IFT52: variants seen among roughly 807,000 people sequenced by gnomAD.
The protein encoded by IFT52 is intraflagellar transport 52.
A neutral mutation model predicts 54.4 loss-of-function variants in IFT52; 44 were observed. The ratio of observed to expected loss-of-function variants is 0.81; its 90% CI spans 0.63 to 1.04. The LOEUF is 1.04. Ranked by LOEUF, IFT52 falls within the 50% of genes least tolerant of loss-of-function variation. IFT52 has a pLI of 0.00. For synonymous variants in IFT52, 181 were observed against 185.3 expected (o/e 0.98, Z 0.19); for missense variants, 452 against 523.6 (o/e 0.86, Z 1.33).
rs764334202 is a variant in IFT52, at chr20:43,623,938, G to A, written c.816G>A (p.Arg272=). The A allele has an allele frequency of 2.4e-5, 38 of 1,614,054 alleles. No homozygotes were observed. The highest frequency in any genetic ancestry group is 3.2e-5 in the Non-Finnish European group (38 of 1,180,046). ...CCTACACAGCCACCCTATCAAAGCG[G>A]AATCGAGAGTGTCTCCAGGAGAGTG... ...MLPYTATLSK[R]NRECLQESDE... The change falls in exon 10 of 14, where the codon CGG becomes CGA. Residue 272 remains arginine (R), a synonymous_variant. Coordinates refer to ENST00000373030, the MANE Select transcript of IFT52 (RefSeq NM_016004.5).
intron 12 of IFT52, among the ~76,000 whole-genome samples, chr20:43,638,094 C>T (rs548620524): frequency 6.6e-6 from 1 of 152,252 alleles, no homozygotes; most frequent in African/African-American, 2.4e-5. Context: ...GCCTCCAACA[C>T]AGCAAATGGG....
At chr20:43,605,805 A>T (rs1982823484) in intron 6 of IFT52, among the ~76,000 whole-genome samples, 1 of 152,208 alleles carries the variant, frequency 6.6e-6, no homozygotes, top group Admixed American at 6.5e-5. Context: ...AAAGTTAGAG[A>T]TGAGATACAG....
chr20:43,603,096 ATTT>A, intron 3 of IFT52, among the ~76,000 whole-genome samples: 3 of 152,244 alleles, frequency 2.0e-5, no homozygotes, highest in Admixed American at 2.0e-4. Context: ...TTGAGAAACT[ATTT>A]GTCTGGACCA....
At chr20:43,615,663 G>A (rs1983801706) in intron 7 of IFT52, among the ~76,000 whole-genome samples, 1 of 152,170 alleles carries the variant, frequency 6.6e-6, no homozygotes, top group South Asian at 2.1e-4. Flanking sequence ...AATTGACCAG[G>A]CGTAGTGGCT....
At chr20:43,618,755 A>G (rs1044552587) in intron 7 of IFT52, among the ~76,000 whole-genome samples, 185 bp from the exon 8 acceptor site, 4 of 152,130 alleles carry the variant, frequency 2.6e-5, no homozygotes, top group Non-Finnish European at 5.9e-5. Context: ...AAGTGCTGGG[A>G]TTACAGGCTG....
chr20:43,639,538 C>T (rs1048550478), intron 12 of IFT52, among the ~76,000 whole-genome samples: 1 of 152,132 alleles, frequency 6.6e-6, no homozygotes, highest in African/African-American at 2.4e-5. Flanking sequence ...GGTGTGGTGG[C>T]GCATGCCTGT....
At chr20:43,609,197 A>G (rs1019413180) in intron 6 of IFT52, among the ~76,000 whole-genome samples, 1 of 151,858 alleles carries the variant, frequency 6.6e-6, no homozygotes, top group African/African-American at 2.4e-5. Context: ...AGCCGTGATC[A>G]TGCCACTGTA....
At chr20:43,596,628 G>A in intron 3 of IFT52, 106 bp downstream of exon 3, 1 of 731,212 alleles carries the variant, frequency 1.4e-6, no homozygotes, top group Non-Finnish European at 2.4e-6. Flanking sequence ...TGGCCTTAAG[G>A]TAGTCACTTC....
chr20:43,600,183 G>T (rs1982310268), intron 3 of IFT52, among the ~76,000 whole-genome samples: 1 of 152,120 alleles, frequency 6.6e-6, no homozygotes, highest in South Asian at 2.1e-4. Flanking sequence ...GAACTCCGAT[G>T]AATGGGATAG....
intron 6 of IFT52, among the ~76,000 whole-genome samples, chr20:43,613,497 C>T (rs943323850): frequency 2.6e-4 from 40 of 152,172 alleles, no homozygotes; most frequent in Admixed American, 4.6e-4. Flanking sequence ...AAGAGTGTTA[C>T]TCAGCTGAGC....
In IFT52 at chr20:43,614,868, G is replaced by A. The variant is rs1018048590; in HGVS notation, c.612+892G>A. ...CTGTTGTGCAGGCTGGAGTACAGTG[G>A]CATGATCTTGGCTCACTGCAACCTC... On this transcript the variant is annotated intron_variant, in intron 7 of 13. Coordinates refer to ENST00000373030, the MANE Select transcript of IFT52 (RefSeq NM_016004.5). Among the ~76,000 whole-genome samples, 6 of 150,738 alleles carry A rather than the reference G, an allele frequency of 4.0e-5. 1 individual carries two copies. The highest frequency in any genetic ancestry group is 4.0e-4 in the Admixed American group (6 of 15,084).
At chr20:43,611,922 C>T (rs1282090802) in intron 6 of IFT52, among the ~76,000 whole-genome samples, 3 of 151,112 alleles carry the variant, frequency 2.0e-5, no homozygotes, top group South Asian at 2.1e-4. Flanking sequence ...CCCAGCTGCT[C>T]GGGAGGCTGA....
At chr20:43,640,597 A>G (rs1047294262) in intron 12 of IFT52, among the ~76,000 whole-genome samples, 1 of 152,254 alleles carries the variant, frequency 6.6e-6, no homozygotes, top group African/African-American at 2.4e-5. Flanking sequence ...TTACATTTAC[A>G]CACAGAAGCA....
rs1374685263 is a variant in IFT52, at chr20:43,607,535, C to T, written c.485+2462C>T. Reference sequence around the variant, plus strand: ...GGCGCTCCTCACATCCCAGACGGGGCGGCGTGGCAGAGGCGCTCCCCACAT... The same window carrying T: ...GGCGCTCCTCACATCCCAGACGGGGTGGCGTGGCAGAGGCGCTCCCCACAT... On this transcript the variant is annotated intron_variant, in intron 6 of 13. Coordinates refer to ENST00000373030, the MANE Select transcript of IFT52 (RefSeq NM_016004.5). Among the ~76,000 whole-genome samples the T allele has an allele frequency of 5.6e-5, 8 of 141,994 alleles. No individual in the cohort carries two copies. In the East Asian group the frequency reaches 1.1e-3, roughly 19 times the overall value. The allele number at this position is 141,994 out of a possible 152,430, so 93.2% of individuals were successfully genotyped here.
intron 10 of IFT52, among the ~76,000 whole-genome samples, chr20:43,627,924 T>G (rs1353047996): frequency 7.3e-6 from 1 of 137,160 alleles, no homozygotes; most frequent in African/African-American, 2.8e-5. Flanking sequence ...GAGAGAGAGT[T>G]TTTTTTTTTT....
At chr20:43,597,890 CA>C (rs36068236) in intron 3 of IFT52, among the ~76,000 whole-genome samples, 105 of 102,004 alleles carry the variant, frequency 1.0e-3, no homozygotes, top group East Asian at 3.1e-3. Flanking sequence ...GAGACTCTTT[CA>C]AAAAAAAAAA....
chr20:43,620,728 A>G (rs930805699), intron 8 of IFT52, 129 bp from the exon 9 acceptor site: 4 of 658,532 alleles, frequency 6.1e-6, no homozygotes, highest in East Asian at 2.8e-5. Context: ...AAGGCTGGCT[A>G]CCCTTTTCTG....
At chr20:43,632,550 T>G (rs974017275) in intron 10 of IFT52, among the ~76,000 whole-genome samples, 2 of 152,154 alleles carry the variant, frequency 1.3e-5, no homozygotes, top group African/African-American at 4.8e-5. Context: ...CATGAGCCCC[T>G]GCACTCGGCC....
intron 12 of IFT52, among the ~76,000 whole-genome samples, chr20:43,639,274 AT>A (rs1985751874): frequency 6.6e-6 from 1 of 151,346 alleles, no homozygotes; most frequent in African/African-American, 2.4e-5. Context: ...ACGGTGGATC[AT>A]GCCTATAATC....
Sources: gnomAD v4.1 joint callset for allele counts (sites outside exome capture counted in the v4.1 genomes callset) on GRCh38, gnomAD v4.1.1 for gene constraint, MANE v1.5 for transcripts, NCBI Gene and HGNC (gene_info 2026-07-23, HGNC 2026-07-21) for gene names.